Variants in PPARGC1A observed in about 807,000 individuals in gnomAD.
The protein encoded by PPARGC1A is PPARG coactivator 1 alpha.
PPARGC1A carries 25 observed loss-of-function variants against 88.7 expected under a neutral mutation model. The ratio of observed to expected loss-of-function variants is 0.28; its 90% confidence interval spans 0.21 to 0.39. PPARGC1A has a LOEUF of 0.39. Among genes scored for constraint, PPARGC1A ranks in the 10% least tolerant of loss-of-function variants. The pLI is 1.00. For synonymous variants in PPARGC1A, 363 were observed against 355.6 expected (o/e 1.02, Z -0.24); for missense variants, 880 against 968.7 (o/e 0.91, Z 1.22).
the PPARGC1A span, among the ~76,000 whole-genome samples, chr4:24,130,974 C>A: frequency 2.0e-5 from 3 of 152,156 alleles, no homozygotes; most frequent in South Asian, 2.1e-4. Flanking sequence ...TGAGATTCTC[C>A]CACCCGCTTC....
chr4:24,129,898 C>CA, the PPARGC1A span, among the ~76,000 whole-genome samples: 1 of 150,990 alleles, frequency 6.6e-6, no homozygotes, highest in Admixed American at 6.6e-5. Context: ...TCGCCAAGGA[C>CA]AAAAAAACCA....
chr4:24,102,187 A>G, the PPARGC1A span, among the ~76,000 whole-genome samples: 1 of 152,372 alleles, frequency 6.6e-6, no homozygotes, highest in South Asian at 2.1e-4. Flanking sequence ...CACTAAAACA[A>G]GAGTATCATG....
At chr4:23,845,664 A>G (rs1334480958) in intron 2 of PPARGC1A, among the ~76,000 whole-genome samples, 1 of 152,124 alleles carries the variant, frequency 6.6e-6, no homozygotes, top group Non-Finnish European at 1.5e-5. Flanking sequence ...AGAGCTTGGG[A>G]TTGGGTCTTT....
At chr4:23,887,869 T>C (rs867235411) in intron 1 of PPARGC1A, among the ~76,000 whole-genome samples, 3 of 151,990 alleles carry the variant, frequency 2.0e-5, no homozygotes, top group Admixed American at 6.6e-5. Flanking sequence ...AGAGGGGCAG[T>C]AAAGAATGAC....
At chr4:24,465,631 G>C in the PPARGC1A span, among the ~76,000 whole-genome samples, 1 of 152,184 alleles carries the variant, frequency 6.6e-6, no homozygotes, top group Non-Finnish European at 1.5e-5. Flanking sequence ...TAGGGCTACA[G>C]GAACGTGAAA....
At position 23,795,462 on chromosome 4, in the gene PPARGC1A, A is replaced by T; in HGVS notation, c.*360T>A. The stretch of plus-strand genomic sequence containing the variant: ...GCCCCCAGTCCTCACATGTACCCAC[A>T]CATACTTCCCCTAAACCAAGCACAC... On this transcript the variant is annotated 3_prime_UTR_variant, in exon 13 of 13. Coordinates refer to ENST00000264867, the MANE Select transcript of PPARGC1A (RefSeq NM_013261.5). The T allele has an allele frequency of 5.6e-6, 1 of 177,422 alleles. No individual in the cohort carries two copies. Among genetic ancestry groups the T allele is most frequent in the East Asian group, 1.8e-4 (1 of 5,618 alleles). 11.0% of individuals were successfully genotyped at this position (177,422 alleles called of 1,614,324 possible). A position where few individuals can be genotyped will look rare whatever the true frequency, so the allele number is the denominator to read the frequency against.
the PPARGC1A span, among the ~76,000 whole-genome samples, chr4:24,360,681 G>A: frequency 6.6e-6 from 1 of 152,178 alleles, no homozygotes; most frequent in African/African-American, 2.4e-5. Context: ...AGCAGTTGAG[G>A]TGTTGCAGAG....
the PPARGC1A span, among the ~76,000 whole-genome samples, chr4:24,185,001 A>G: frequency 6.6e-6 from 1 of 152,206 alleles, no homozygotes; most frequent in Non-Finnish European, 1.5e-5. Flanking sequence ...GTTTTCTGAG[A>G]ATATTTTGTT....
chr4:24,126,158 C>T, the PPARGC1A span, among the ~76,000 whole-genome samples: 2 of 152,050 alleles, frequency 1.3e-5, no homozygotes, highest in Non-Finnish European at 2.9e-5. Context: ...GCTGGGTCTA[C>T]AATCCCATGT....
the PPARGC1A span, among the ~76,000 whole-genome samples, chr4:24,232,698 C>T: frequency 6.1e-4 from 93 of 152,254 alleles, no homozygotes; most frequent in African/African-American, 2.0e-3. Context: ...CATTCTTATG[C>T]TAGTGCAGGG....
At chr4:24,058,674 G>A in the PPARGC1A span, among the ~76,000 whole-genome samples, 116 of 152,312 alleles carry the variant, frequency 7.6e-4, 1 homozygote, top group South Asian at 0.024. Flanking sequence ...TGGCTAGGCA[G>A]TGTGGCTCAC....
the PPARGC1A span, among the ~76,000 whole-genome samples, chr4:23,977,239 G>A: frequency 3.9e-5 from 6 of 152,098 alleles, no homozygotes; most frequent in Non-Finnish European, 7.4e-5. Context: ...TCTCTCCGGC[G>A]CACACGCTCA....
chr4:24,062,312 C>T, the PPARGC1A span, among the ~76,000 whole-genome samples: 1 of 152,312 alleles, frequency 6.6e-6, no homozygotes, highest in Admixed American at 6.5e-5. Flanking sequence ...TAGGATATGA[C>T]TGTGTTCAAC....
the PPARGC1A span, among the ~76,000 whole-genome samples, chr4:24,315,640 T>G: frequency 6.6e-6 from 1 of 152,148 alleles, no homozygotes; most frequent in South Asian, 2.1e-4. Context: ...CAGAGGACAT[T>G]TAGCAATATC....
At chr4:23,874,051 T>G (rs1339596437) in intron 2 of PPARGC1A, among the ~76,000 whole-genome samples, 2 of 151,842 alleles carry the variant, frequency 1.3e-5, no homozygotes, top group Non-Finnish European at 2.9e-5. Flanking sequence ...TCCTCACTTT[T>G]CTGTGAACCT....
chr4:24,328,084 G>A, the PPARGC1A span, among the ~76,000 whole-genome samples: 9 of 150,684 alleles, frequency 6.0e-5, no homozygotes, highest in Non-Finnish European at 7.4e-5. Flanking sequence ...CCTATAAAAC[G>A]GCCCCACCCC....
At chr4:24,201,477 C>T in the PPARGC1A span, among the ~76,000 whole-genome samples, 3 of 152,174 alleles carry the variant, frequency 2.0e-5, no homozygotes, top group Admixed American at 2.0e-4. Flanking sequence ...GCGGCTACTC[C>T]CCAGGCCCAG....
chr4:24,333,707 G>A, the PPARGC1A span, among the ~76,000 whole-genome samples: 2 of 152,070 alleles, frequency 1.3e-5, no homozygotes, highest in Non-Finnish European at 2.9e-5. Context: ...GCCAAGGAGG[G>A]AGGATCACCT....
At chr4:23,974,675 C>T in the PPARGC1A span, among the ~76,000 whole-genome samples, 4 of 151,850 alleles carry the variant, frequency 2.6e-5, no homozygotes. Flanking sequence ...CTCTGTCGCC[C>T]AGGCTGGAGT....
Sources: allele counts gnomAD v4.1 joint callset (sites outside exome capture counted in the v4.1 genomes callset), GRCh38; gene constraint gnomAD v4.1.1; transcripts MANE v1.5; gene names NCBI Gene and HGNC (gene_info 2026-07-23, HGNC 2026-07-21).